Variants in ARHGAP29 observed in about 807,000 individuals in gnomAD.
ARHGAP29 encodes rho GTPase-activating protein 29.
ARHGAP29 carries 43 observed loss-of-function variants against 122.6 expected under a neutral mutation model. The observed-to-expected ratio is 0.35, with a 90% confidence interval of 0.27 to 0.45. The LOEUF (loss-of-function observed/expected upper bound fraction) is 0.45. ARHGAP29 is among the 20% of genes least tolerant of loss of function. ARHGAP29 has a pLI of 1.00. For missense variants in ARHGAP29, 1,303 were observed against 1,477.2 expected (o/e 0.88, Z 1.93); for synonymous variants, 506 against 497.1 (o/e 1.02, Z -0.24).
the ARHGAP29 span, among the ~76,000 whole-genome samples, chr1:94,298,466 A>G: frequency 3.3e-5 from 5 of 152,206 alleles, no homozygotes; most frequent in African/African-American, 1.2e-4. Flanking sequence ...TAACGATTGC[A>G]AGAGCATTAG....
chr1:94,175,532 A>G (rs1649040758), intron 22 of ARHGAP29, among the ~76,000 whole-genome samples: 1 of 152,144 alleles, frequency 6.6e-6, no homozygotes, highest in African/African-American at 2.4e-5. Context: ...GGCCCCAAGC[A>G]CAGCATGCAA....
chr1:94,281,741 T>C, the ARHGAP29 span, among the ~76,000 whole-genome samples: 1 of 151,976 alleles, frequency 6.6e-6, no homozygotes, highest in Admixed American at 6.6e-5. Flanking sequence ...GTTGGGCAAA[T>C]GCTATAGAGT....
intron 12 of ARHGAP29, chr1:94,190,534 T>C (rs1650070953): frequency 6.5e-6 from 1 of 153,434 alleles, no homozygotes; most frequent in Non-Finnish European, 1.5e-5. Flanking sequence ...TTAACTACAG[T>C]ACTCAGTTCT....
At chr1:94,183,156 C>G (rs1348809017) in intron 19 of ARHGAP29, among the ~76,000 whole-genome samples, 1 of 151,976 alleles carries the variant, frequency 6.6e-6, no homozygotes, top group African/African-American at 2.4e-5. Context: ...CAAAACATCA[C>G]TGTGTACTCT....
In ARHGAP29 at chr1:94,179,865, T is replaced by C. The variant is rs752670470; in HGVS notation, c.2340A>G (p.Lys780=). Residue 780 remains lysine (K), a synonymous_variant, in exon 20 of 23, where the codon AAA becomes AAG. Transcript: ENST00000260526. The part of the protein sequence containing the change: ...IQHVNEEQET[K]KNSLEDKKWP... ...ATTTTTTGTCTTCAAGACTATTCTT[T>C]TTTGTCTCTTGTTCTTCATTTACAT... 2.6e-5 allele frequency: 42 copies of C among 1,613,258 alleles called. No individual in the cohort carries two copies. Among genetic ancestry groups the C allele is most frequent in the Middle Eastern group, 1.6e-4 (1 of 6,074 alleles).
At chr1:94,309,448 G>A in the ARHGAP29 span, among the ~76,000 whole-genome samples, 179 of 152,266 alleles carry the variant, frequency 1.2e-3, 2 homozygotes, top group African/African-American at 4.1e-3. Context: ...GCTCTTCCTC[G>A]CTTATCAGCC....
At chr1:94,239,100 C>T (rs180870761), upstream of ARHGAP29, among the ~76,000 whole-genome samples, 16 of 152,108 alleles carry the variant, frequency 1.1e-4, 1 homozygote, top group Admixed American at 8.5e-4. Context: ...CCTCAAAAAC[C>T]AAAATTCCTT....
At chr1:94,249,933 C>A (rs1163491732) in intron 1 of ARHGAP29, among the ~76,000 whole-genome samples, 7 of 151,904 alleles carry the variant, frequency 4.6e-5, no homozygotes, top group African/African-American at 1.7e-4. Context: ...TGGGCCCCCA[C>A]TAAGAATTTT....
chr1:94,245,515 G>C (rs1653761879), intron 1 of ARHGAP29, among the ~76,000 whole-genome samples: 1 of 152,176 alleles, frequency 6.6e-6, no homozygotes, highest in Non-Finnish European at 1.5e-5. Context: ...TAAAATTCTA[G>C]AGAATATGAA....
the ARHGAP29 span, among the ~76,000 whole-genome samples, chr1:94,295,770 ACACAATGTG>A: frequency 6.6e-6 from 1 of 152,304 alleles, no homozygotes; most frequent in Admixed American, 6.5e-5. Context: ...TTCTAATTCC[ACACAATGTG>A]GAATCTTCTA....
the ARHGAP29 span, among the ~76,000 whole-genome samples, chr1:94,280,674 A>G: frequency 2.6e-5 from 4 of 152,208 alleles, no homozygotes; most frequent in East Asian, 7.7e-4. Flanking sequence ...TGTATAAATG[A>G]ATACATGGAT....
chr1:94,302,766 G>A, the ARHGAP29 span: 13 of 310,150 alleles, frequency 4.2e-5, no homozygotes, highest in Middle Eastern at 2.3e-3. Flanking sequence ...CTGCTCTCTG[G>A]AGAAACCAGC....
chr1:94,201,901 T>C (rs1233206095), intron 11 of ARHGAP29, 44 bp from the exon 12 acceptor site: 10 of 1,471,542 alleles, frequency 6.8e-6, no homozygotes, highest in Non-Finnish European at 9.1e-6. Flanking sequence ...AGAATTTATA[T>C]TTTAAACAAA....
chr1:94,257,932 T>C (rs1654422263), intron 1 of ARHGAP29, among the ~76,000 whole-genome samples: 1 of 152,186 alleles, frequency 6.6e-6, no homozygotes, highest in South Asian at 2.1e-4. Context: ...ACTGATTTGA[T>C]AACTCACTCC....
intron 2 of ARHGAP29, among the ~76,000 whole-genome samples, chr1:94,224,659 A>G (rs150075473): frequency 1.1e-3 from 167 of 152,310 alleles, no homozygotes; most frequent in African/African-American, 3.8e-3. Context: ...TTAACAGTGT[A>G]AAAAGGTCCT....
the ARHGAP29 span, among the ~76,000 whole-genome samples, chr1:94,288,927 T>C: frequency 6.6e-6 from 1 of 152,242 alleles, no homozygotes; most frequent in Non-Finnish European, 1.5e-5. Flanking sequence ...GGTAGCGTGA[T>C]GCCTCCAGCT....
intron 1 of ARHGAP29, among the ~76,000 whole-genome samples, chr1:94,232,211 G>A (rs1352772322): frequency 6.6e-6 from 1 of 151,878 alleles, no homozygotes; most frequent in African/African-American, 2.4e-5. Context: ...CTTTACTTCA[G>A]TATGCTCATT....
At chr1:94,289,038 C>T in the ARHGAP29 span, among the ~76,000 whole-genome samples, 2 of 152,064 alleles carry the variant, frequency 1.3e-5, no homozygotes, top group African/African-American at 4.8e-5. Context: ...AAGACAGTGG[C>T]AGGTTGATGG....
chr1:94,205,173 G>T lies in ARHGAP29; in HGVS notation c.585C>A (p.Asp195Glu). 1 of 1,596,156 alleles carries T rather than the reference G, an allele frequency of 6.3e-7. No individual in the cohort carries two copies. Among genetic ancestry groups the T allele is most frequent in the South Asian group, 1.1e-5 (1 of 87,054 alleles). Residue 195 changes from aspartate to glutamate, a missense_variant, in exon 7 of 23, where the codon GAC becomes GAA. Physicochemically the swap from Asp to Glu is conservative, Grantham distance 45. This residue lies in a region of ARHGAP29 where 592 missense variants were observed against 648.2 expected (regional missense o/e 0.91). Transcript: ENST00000260526. Reference protein sequence around the residue: ...EKGNFSPLELDNVLLKNTDSI... With the variant: ...EKGNFSPLELENVLLKNTDSI... ...AGTCAGTGTTCTTTAACAGCACGTT[G>T]TCTAGTTCTAAAGGGGAAAAATTTC...
Sources: gnomAD v4.1 joint callset for allele counts (sites outside exome capture counted in the v4.1 genomes callset) on GRCh38, gnomAD v4.1.1 for gene constraint, gnomAD v4.1.1 regional missense constraint, MANE v1.5 for transcripts, NCBI Gene and HGNC (gene_info 2026-07-23, HGNC 2026-07-21) for gene names.